NLGN3: variants seen among roughly 807,000 people sequenced by gnomAD.
NLGN3 encodes neuroligin-3.
A neutral mutation model predicts 42.9 loss-of-function variants in NLGN3; 11 were observed. The observed-to-expected ratio is 0.26, with a 90% CI of 0.16 to 0.42. The LOEUF is 0.42. Among genes scored for constraint, NLGN3 ranks in the 10% least tolerant of loss-of-function variants. NLGN3 has a pLI of 1.00. For synonymous variants in NLGN3, 279 were observed against 312.7 expected, an observed-to-expected ratio of 0.89 and a Z score of 1.14; for missense variants, 374 against 733.8, an observed-to-expected ratio of 0.51 and a Z score of 5.67.
chrX:71,150,165 C>T (rs1249401907), intron 3 of NLGN3, among the ~76,000 whole-genome samples: 1 of 111,383 alleles, frequency 9.0e-6, no homozygotes, highest in Non-Finnish European at 1.9e-5. Context: ...CCACCCAGGA[C>T]CTCACACACC....
At chrX:71,147,203 T>G (rs1292691026) in intron 1 of NLGN3, among the ~76,000 whole-genome samples, 1 of 111,597 alleles carries the variant, frequency 9.0e-6, no homozygotes, top group Non-Finnish European at 1.9e-5. Context: ...CCCAGGGACC[T>G]GAGCTCCATT....
At chrX:71,172,429 G>A (rs1041560077), downstream of NLGN3, among the ~76,000 whole-genome samples, 3 of 110,880 alleles carry the variant, frequency 2.7e-5, no homozygotes, top group Admixed American at 2.9e-4. Flanking sequence ...AACAGACCTA[G>A]AATGCCACCC....
chrX:71,155,380 G>C lies in NLGN3; in HGVS notation c.727+17G>C. The stretch of plus-strand genomic sequence containing the variant: ...GAGTGCTAGGTATGGTTCCCTGCCT[G>C]GTGCCTGGAAGGAAGACTGGCTTCG... On this transcript the variant is annotated intron_variant, in intron 5 of 7. Transcript: ENST00000358741. 8.3e-7 allele frequency: 1 copy of C among 1,209,620 alleles called. No homozygotes were observed. Among genetic ancestry groups the C allele is most frequent in the Non-Finnish European group, 1.1e-6 (1 of 894,342 alleles).
chrX:71,159,029 CACTT>C (rs905249240), intron 5 of NLGN3, among the ~76,000 whole-genome samples: 1 of 111,188 alleles, frequency 9.0e-6, no homozygotes, highest in Non-Finnish European at 1.9e-5. Flanking sequence ...CGCACACACA[CACTT>C]AATTTTACAG....
chrX:71,148,994 C>A, intron 3 of NLGN3, 89 bp downstream of exon 3: 2 of 551,744 alleles, frequency 3.6e-6, no homozygotes, highest in Non-Finnish European at 5.5e-6. Flanking sequence ...AGCCTTCCTC[C>A]AAGTAGCCCA....
Position 71,164,089 on chromosome X carries a change from CCAAATCCTCCATCCCTCTGCCTT to C in NLGN3, c.728-51_728-29del, listed in dbSNP as rs1193714458. Reference sequence around the variant, plus strand: ...TGTTGACCCTGCCTGCCGTCATCACCCAAATCCTCCATCCCTCTGCCTTCATTGTCTTCATGCCCTTTGTTGAA... The same window carrying C: ...TGTTGACCCTGCCTGCCGTCATCACCCATTGTCTTCATGCCCTTTGTTGAA... On this transcript the variant is annotated intron_variant, in intron 5 of 7. Coordinates refer to ENST00000358741, the MANE Select transcript of NLGN3 (RefSeq NM_181303.2). 3 of 1,152,763 alleles carry C rather than the reference CCAAATCCTCCATCCCTCTGCCTT, an allele frequency of 2.6e-6. No homozygotes were observed. The African/African-American group carries it at 5.3e-5, about 20-fold the overall frequency.
At chrX:71,157,545 A>G (rs889012428) in intron 5 of NLGN3, among the ~76,000 whole-genome samples, 1 of 110,149 alleles carries the variant, frequency 9.1e-6, no homozygotes, top group African/African-American at 3.3e-5. Flanking sequence ...GCTGGTCTCG[A>G]ACTCCTGACC....
chrX:71,156,393 C>T (rs2092409089), intron 5 of NLGN3, among the ~76,000 whole-genome samples: 1 of 110,459 alleles, frequency 9.1e-6, no homozygotes, highest in Admixed American at 9.7e-5. Context: ...CACTGTCCCA[C>T]CCCACACATA....
chrX:71,148,882 A>C lies in NLGN3; in HGVS notation c.494A>C (p.Asn165Thr). 1 of 1,131,869 alleles carries C rather than the reference A, an allele frequency of 8.8e-7. No individual in the cohort carries two copies. The highest frequency in any genetic ancestry group is 1.2e-6 in the Non-Finnish European group (1 of 854,385). The allele number at this position is 1,131,869 out of a possible 1,213,427, so 93.3% of individuals were successfully genotyped here. ...TCCAAGGAATGCGCCCGAAAGCCCA[A>C]CAAGAAAATTTGTAGGAAAGGAGGT... is the stretch of plus-strand genomic sequence containing the variant. The part of the protein sequence containing the change: ...RISKECARKP[N>T]KKICRKGGSG... The change falls in exon 3 of 8, where the codon AAC becomes ACC. Residue 165 changes from asparagine to threonine, a missense_variant. Asn to Thr is a moderately conservative substitution (Grantham distance 65, BLOSUM62 0). Around this residue, in one of 6 missense-constraint regions of NLGN3, gnomAD observed 109 missense variants for 173.3 expected, o/e 0.63. Coordinates refer to ENST00000358741, the MANE Select transcript of NLGN3 (RefSeq NM_181303.2).
Position 71,170,455 on chromosome X carries a change from G to A in NLGN3, c.*358G>A, listed in dbSNP as rs888447934. 9.8e-6 allele frequency: 9 copies of A among 918,066 alleles called. No individual in the cohort carries two copies. Among genetic ancestry groups the A allele is most frequent in the African/African-American group, 2.1e-5 (1 of 48,653 alleles). The allele number at this position is 918,066 out of a possible 1,213,427, so 75.7% of individuals were successfully genotyped here. ...ACAGCTGGACACCCCCTTGGTGCTC[G>A]CCTTCGGCCTCTCTTGGAACTGCAC... On this transcript the variant is annotated 3_prime_UTR_variant, in exon 8 of 8. Coordinates refer to ENST00000358741, the MANE Select transcript of NLGN3 (RefSeq NM_181303.2).
At chrX:71,172,627 C>CATGTGT (rs376125375), downstream of NLGN3, among the ~76,000 whole-genome samples, 61 of 100,525 alleles carry the variant, frequency 6.1e-4, no homozygotes, top group African/African-American at 2.1e-3. Flanking sequence ...TGTGTGCATG[C>CATGTGT]GTGTGTGTGT....
rs200997349 is a variant in NLGN3, at chrX:71,153,558, C to T, written c.577+22C>T. 4.8e-5 allele frequency: 57 copies of T among 1,183,903 alleles called. No individual in the cohort carries two copies. In the East Asian group the frequency reaches 8.7e-4, roughly 18 times the overall value. The stretch of plus-strand genomic sequence containing the variant: ...GAAGGTATTTGGGGGCTGCAGGGCG[C>T]GGCGGCTGGTGCATGGCACAGAGCC... On this transcript the variant is annotated intron_variant, in intron 4 of 7. Transcript: ENST00000358741.
chrX:71,175,177 C>T (rs758449897), downstream of NLGN3, among the ~76,000 whole-genome samples: 4 of 111,455 alleles, frequency 3.6e-5, no homozygotes, highest in Admixed American at 9.6e-5. Flanking sequence ...ATTTGTTCTG[C>T]GTGACTTCAG....
At chrX:71,148,359 C>T (rs777205931) in intron 2 of NLGN3, among the ~76,000 whole-genome samples, 153 bp downstream of exon 2, 1 of 105,584 alleles carries the variant, frequency 9.5e-6, no homozygotes, top group Admixed American at 1.0e-4. Context: ...CACCCCCCTC[C>T]CTGTTCTTCC....
At chrX:71,153,255 G>A (rs2092397136) in intron 3 of NLGN3, among the ~76,000 whole-genome samples, 1 of 112,813 alleles carries the variant, frequency 8.9e-6, no homozygotes, top group Admixed American at 9.3e-5. Context: ...GCAAGGCGGT[G>A]CAGAGAGGCC....
At chrX:71,147,486 C>G (rs2092374933) in intron 1 of NLGN3, 64 bp from the exon 2 acceptor site, 1 of 429,776 alleles carries the variant, frequency 2.3e-6, no homozygotes, top group Admixed American at 4.1e-5. Context: ...GCAGGGCCCC[C>G]AAAGACCAAC....
intron 6 of NLGN3, among the ~76,000 whole-genome samples, chrX:71,166,457 C>CAA (rs5902684): frequency 1.2e-5 from 1 of 82,277 alleles, no homozygotes; most frequent in South Asian, 5.8e-4. Context: ...ACTCCATCTC[C>CAA]AAAAAAAAAA....
Position 71,148,203 on chromosome X carries a change from G to A in NLGN3, c.454G>A (p.Asp152Asn). ...LYLNVYVPTE[D>N]VKRISKECAR... ...CCTGAACGTCTATGTGCCGACGGAG[G>A]ATGGTGAGTGCTGCGGCCAGGCACT... Residue 152 changes from aspartate to asparagine, a missense_variant, in exon 2 of 8, where the codon GAT (aspartate) becomes AAT (asparagine). Asp to Asn is a conservative substitution (Grantham distance 23). This residue lies in a region of NLGN3 where 109 missense variants were observed against 173.3 expected (regional missense o/e 0.63). Coordinates refer to ENST00000358741, the MANE Select transcript of NLGN3 (RefSeq NM_181303.2). 8.3e-7 allele frequency: 1 copy of A among 1,205,668 alleles called. No individual in the cohort carries two copies. The highest frequency in any genetic ancestry group is 1.8e-5 in the South Asian group (1 of 56,846).
Position 71,170,728 on chromosome X carries a change from A to G in NLGN3, c.*631A>G. ...AACAAGACCCCCAGGAAGGAAACAGATTTAAGCAAGACCATGGGGTGGAAG... is the reference window on the plus strand; with the variant it reads ...AACAAGACCCCCAGGAAGGAAACAGGTTTAAGCAAGACCATGGGGTGGAAG... On this transcript the variant is annotated 3_prime_UTR_variant, in exon 8 of 8. Coordinates refer to ENST00000358741, the MANE Select transcript of NLGN3 (RefSeq NM_181303.2). 1.3e-6 allele frequency: 1 copy of G among 761,375 alleles called. No individual in the cohort carries two copies. The highest frequency in any genetic ancestry group is 1.6e-6 in the Non-Finnish European group (1 of 643,245). The allele number at this position is 761,375 out of a possible 1,213,427, so 62.7% of individuals were successfully genotyped here.
Sources: gnomAD v4.1 joint callset for allele counts (sites outside exome capture counted in the v4.1 genomes callset) on GRCh38, gnomAD v4.1.1 for gene constraint, gnomAD v4.1.1 regional missense constraint, MANE v1.5 for transcripts, NCBI Gene and HGNC (gene_info 2026-07-23, HGNC 2026-07-21) for gene names.